The following SAMSN1 variants were observed in gnomAD, a reference collection of about 807,000 sequenced individuals.
SAMSN1 encodes SAM domain-containing protein SAMSN-1.
In SAMSN1, 31 loss-of-function variants were observed where a neutral mutation model predicts 42.0. The ratio of observed to expected loss-of-function variants is 0.74; its 90% CI spans 0.55 to 1.00. The LOEUF is 1.00. Among genes scored for constraint, SAMSN1 ranks in the 50% least tolerant of loss-of-function variants. SAMSN1 has a pLI of 0.00. For synonymous variants in SAMSN1, 178 were observed against 151.9 expected, an observed-to-expected ratio of 1.17 and a Z score of -1.26; for missense variants, 464 against 439.4, an observed-to-expected ratio of 1.06 and a Z score of -0.50.
upstream of SAMSN1, chr21:14,583,818 A>G (rs761448307): frequency 2.5e-4 from 173 of 699,792 alleles, no homozygotes; most frequent in Admixed American, 1.3e-4. Context: ...ATTATTCCTC[A>G]CAAAAGATTA....
At chr21:14,542,521 ATTG>A (rs1414448746) in intron 1 of SAMSN1, among the ~76,000 whole-genome samples, 2 of 152,238 alleles carry the variant, frequency 1.3e-5, no homozygotes, top group Non-Finnish European at 2.9e-5. Flanking sequence ...GACAAGGAAA[ATTG>A]TTATGTTCTA....
rs754811014 is a variant in SAMSN1 at position 14,574,592 on chromosome 21, C to T, written c.261+7544G>A. On this transcript the variant is annotated intron_variant, in intron 2 of 8. Transcript: ENST00000285670. ...AATTGGGAAAAGCCAAACATCAACC[C>T]AAATAATTTGACTGGTTTGAATGCT... Among the ~76,000 whole-genome samples, 8 of 152,098 alleles carry T rather than the reference C, an allele frequency of 5.3e-5. No individual in the cohort carries two copies. In the South Asian group the frequency reaches 1.4e-3, roughly 28 times the overall value.
intron 1 of SAMSN1, among the ~76,000 whole-genome samples, chr21:14,524,813 C>T (rs1978734145): frequency 6.6e-6 from 1 of 152,070 alleles, no homozygotes; most frequent in Non-Finnish European, 1.5e-5. Context: ...AGAATAACCT[C>T]TAGCATACAG....
chr21:14,517,606 A>G (rs942209311), intron 2 of SAMSN1, among the ~76,000 whole-genome samples: 2 of 152,172 alleles, frequency 1.3e-5, no homozygotes, highest in African/African-American at 2.4e-5. Context: ...ATTCGCAAGC[A>G]ATAGTAAATA....
Position 14,500,658 on chromosome 21 carries a change from G to T in SAMSN1, c.639C>A (p.Asn213Lys). The T allele has an allele frequency of 6.2e-7, 1 of 1,614,006 alleles. No homozygotes were observed. Among genetic ancestry groups the T allele is most frequent in the Non-Finnish European group, 8.5e-7 (1 of 1,179,968 alleles). The change falls in exon 6 of 8, where the codon AAC (asparagine) becomes AAA (lysine). Residue 213 changes from asparagine to lysine, a missense_variant. By Grantham distance (94) the Asn-to-Lys change is moderately conservative. Coordinates refer to ENST00000400566, the MANE Select transcript of SAMSN1 (RefSeq NM_022136.5). Reference sequence around the variant, plus strand: ...TGACATCCACATAAATGAATTTGAAGTTTCCCACTTTATTGTTCAACATTC... The same window carrying T: ...TGACATCCACATAAATGAATTTGAATTTTCCCACTTTATTGTTCAACATTC... ...WTGMLNNKVG[N>K]FKFIYVDVIS...
intron 3 of SAMSN1, among the ~76,000 whole-genome samples, chr21:14,614,175 T>C (rs988532458): frequency 6.6e-6 from 1 of 152,190 alleles, no homozygotes. Flanking sequence ...AGTGCAGTAA[T>C]GGTATTGTGA....
At chr21:14,603,764 C>A (rs1376108511) in intron 5 of SAMSN1, among the ~76,000 whole-genome samples, 2 of 152,080 alleles carry the variant, frequency 1.3e-5, no homozygotes, top group African/African-American at 4.8e-5. Context: ...AAATATATAA[C>A]TAAATGAAGT....
At chr21:14,611,552 T>A (rs1982708001) in intron 4 of SAMSN1, among the ~76,000 whole-genome samples, 1 of 152,226 alleles carries the variant, frequency 6.6e-6, no homozygotes. Flanking sequence ...AGGATAGAAA[T>A]ATTGGTTGTA....
At chr21:14,631,398 G>T (rs1983324860) in intron 2 of SAMSN1, among the ~76,000 whole-genome samples, 1 of 151,680 alleles carries the variant, frequency 6.6e-6, no homozygotes, top group Admixed American at 6.6e-5. Context: ...TCCAAGGTGG[G>T]ATTTGTTTGT....
At chr21:14,643,819 C>T (rs867982634) in intron 1 of SAMSN1, among the ~76,000 whole-genome samples, 4 of 152,280 alleles carry the variant, frequency 2.6e-5, no homozygotes, top group East Asian at 3.9e-4. Context: ...CCTCCCCTAC[C>T]GTGGCACCTG....
chr21:14,540,725 C>T (rs947009099), intron 1 of SAMSN1, among the ~76,000 whole-genome samples: 13 of 152,164 alleles, frequency 8.5e-5, no homozygotes, highest in Admixed American at 2.6e-4. Context: ...GACTATGTGG[C>T]GATTCCTCAA....
intron 1 of SAMSN1, among the ~76,000 whole-genome samples, chr21:14,529,356 T>A (rs1979088858): frequency 6.6e-6 from 1 of 152,230 alleles, no homozygotes; most frequent in African/African-American, 2.4e-5. Flanking sequence ...GTCGTGAGAC[T>A]TGGGCAAAAC....
chr21:14,530,438 A>G (rs1194288932), intron 1 of SAMSN1, among the ~76,000 whole-genome samples: 1 of 152,140 alleles, frequency 6.6e-6, no homozygotes, highest in African/African-American at 2.4e-5. Flanking sequence ...TCACTGGATG[A>G]TAAAAAATGT....
intron 1 of SAMSN1, among the ~76,000 whole-genome samples, chr21:14,650,331 A>C (rs1445241066): frequency 6.6e-6 from 1 of 152,290 alleles, no homozygotes; most frequent in East Asian, 1.9e-4. Context: ...AAATAATATC[A>C]AGCATCTTCT....
At chr21:14,592,895 C>T (rs80226738) in intron 7 of SAMSN1, among the ~76,000 whole-genome samples, 1,956 of 152,164 alleles carry the variant, frequency 0.013, 22 homozygotes, top group Non-Finnish European at 0.02. Context: ...TCTGAAAGTC[C>T]TGTTAGTATT....
At chr21:14,501,896 T>C (rs1374111230) in intron 5 of SAMSN1, among the ~76,000 whole-genome samples, 1 of 152,164 alleles carries the variant, frequency 6.6e-6, no homozygotes, top group Non-Finnish European at 1.5e-5. Flanking sequence ...TAATTAACTA[T>C]AGGCTGCCAG....
At chr21:14,503,894 C>A (rs1987285192) in intron 5 of SAMSN1, among the ~76,000 whole-genome samples, 1 of 152,170 alleles carries the variant, frequency 6.6e-6, no homozygotes, top group South Asian at 2.1e-4. Flanking sequence ...CTGGCATCCA[C>A]AGCTGAGAGG....
At chr21:14,542,395 A>C (rs1980102140) in intron 1 of SAMSN1, among the ~76,000 whole-genome samples, 1 of 152,202 alleles carries the variant, frequency 6.6e-6, no homozygotes, top group African/African-American at 2.4e-5. Flanking sequence ...TCATTCTCTC[A>C]CAGTTGTTAC....
intron 2 of SAMSN1, among the ~76,000 whole-genome samples, chr21:14,577,061 T>C (rs867887364): frequency 7.5e-5 from 9 of 119,334 alleles, no homozygotes; most frequent in South Asian, 2.8e-4. Context: ...TTTTTTTTTT[T>C]TTTTTTTTTT....
Sources: gnomAD v4.1 joint callset for allele counts (sites outside exome capture counted in the v4.1 genomes callset) on GRCh38, gnomAD v4.1.1 for gene constraint, MANE v1.5 for transcripts, NCBI Gene and HGNC (gene_info 2026-07-23, HGNC 2026-07-21) for gene names.